The following THSD7B variants were observed in gnomAD, a reference collection of about 807,000 sequenced individuals.
The protein encoded by THSD7B is thrombospondin type-1 domain-containing protein 7B.
Under a neutral mutation model 213.6 loss-of-function variants are expected in THSD7B, and 138 were observed. That is an observed-to-expected ratio of 0.65 (90% CI 0.56 to 0.74). THSD7B has a LOEUF of 0.74. Among genes scored for constraint, THSD7B ranks in the 30% least tolerant of loss-of-function variants. The probability of loss-of-function intolerance (pLI) is 0.00; values close to 1 mark genes in which losing one functional copy is unlikely to be tolerated. For synonymous variants in THSD7B, 742 were observed against 687.0 expected (o/e 1.08, Z -1.25); for missense variants, 1,931 against 1,991.5 (o/e 0.97, Z 0.58).
At position 137,171,689 on chromosome 2, in the gene THSD7B, A is replaced by G. The variant is rs114668127; in HGVS notation, c.1723+751A>G. 4.1e-3 allele frequency among the ~76,000 whole-genome samples: 622 copies of G among 152,338 alleles called. 7 individuals are homozygous for G. The highest frequency in any genetic ancestry group is 0.014 in the African/African-American group (582 of 41,578). On this transcript the variant is annotated intron_variant, in intron 7 of 27. Transcript: ENST00000409968. Reference sequence around the variant, plus strand: ...AGAAGCCCCACTTATAATGCTCATGATATGTGGAATGAAGCGTTTTGAACT... The same window carrying G: ...AGAAGCCCCACTTATAATGCTCATGGTATGTGGAATGAAGCGTTTTGAACT...
intron 15 of THSD7B, among the ~76,000 whole-genome samples, chr2:137,533,679 T>A (rs1680444077): frequency 6.6e-6 from 1 of 151,874 alleles, no homozygotes; most frequent in African/African-American, 2.4e-5. Flanking sequence ...CCTAAATAGA[T>A]TATTATATTT....
At chr2:137,481,170 C>A (rs1001529653) in intron 15 of THSD7B, among the ~76,000 whole-genome samples, 2 of 151,778 alleles carry the variant, frequency 1.3e-5, no homozygotes, top group African/African-American at 4.9e-5. Context: ...AAATAAGTTT[C>A]TATTTTTTGA....
chr2:137,071,544 A>G (rs1482193083), intron 3 of THSD7B, among the ~76,000 whole-genome samples: 2 of 152,170 alleles, frequency 1.3e-5, no homozygotes, highest in African/African-American at 4.8e-5. Flanking sequence ...TTTGCTGTGC[A>G]GAAGCTCTTT....
intron 14 of THSD7B, among the ~76,000 whole-genome samples, chr2:137,421,527 G>A (rs2105026796): frequency 6.6e-6 from 1 of 152,290 alleles, no homozygotes; most frequent in African/African-American, 2.4e-5. Context: ...AGGGGCATGG[G>A]GGTAGGGGGA....
At chr2:137,668,549 G>A (rs79051252) in intron 27 of THSD7B, among the ~76,000 whole-genome samples, 3,331 of 151,884 alleles carry the variant, frequency 0.022, 115 homozygotes, top group African/African-American at 0.076. Context: ...GTTGATGAAC[G>A]GCTCTTGAAA....
chr2:137,044,322 T>C (rs1686931909), intron 2 of THSD7B, among the ~76,000 whole-genome samples: 1 of 152,246 alleles, frequency 6.6e-6, no homozygotes, highest in Admixed American at 6.5e-5. Context: ...TTTTTAAAAT[T>C]AGTCTCTTTG....
chr2:137,381,101 A>G lies in THSD7B; in HGVS notation c.2501-24512A>G, dbSNP rs576795154. Among the ~76,000 whole-genome samples, 15 of 152,294 alleles carry G rather than the reference A, an allele frequency of 9.8e-5. No individual in the cohort carries two copies. In the South Asian group the frequency reaches 3.1e-3, roughly 32 times the overall value. On this transcript the variant is annotated intron_variant, in intron 12 of 27. Transcript: ENST00000409968. ...TAGAACCTGACAATTGGTGTCACAA[A>G]CAGGATTTCAGAGTGAGTGAGCCTT... is the stretch of plus-strand genomic sequence containing the variant.
intron 16 of THSD7B, among the ~76,000 whole-genome samples, chr2:137,566,954 C>T (rs762490833): frequency 2.4e-4 from 37 of 151,992 alleles, no homozygotes; most frequent in Non-Finnish European, 4.4e-4. Flanking sequence ...GCATGAAGAT[C>T]TGTAGAAAGA....
At chr2:136,965,506 A>C (rs1685298858) in intron 2 of THSD7B, among the ~76,000 whole-genome samples, 1 of 152,190 alleles carries the variant, frequency 6.6e-6, no homozygotes, top group Admixed American at 6.5e-5. Context: ...GGTAGTGGGG[A>C]CAAGTACATA....
intron 2 of THSD7B, among the ~76,000 whole-genome samples, chr2:136,915,261 A>G (rs1684330951): frequency 6.6e-6 from 1 of 152,140 alleles, no homozygotes. Context: ...TTTCCAAAGC[A>G]AAGTGAAACA....
At chr2:137,084,511 A>G (rs1489174379) in intron 3 of THSD7B, among the ~76,000 whole-genome samples, 4 of 152,184 alleles carry the variant, frequency 2.6e-5, no homozygotes, top group Non-Finnish European at 4.4e-5. Context: ...GGCACATAGG[A>G]AGATATTTCA....
At chr2:137,351,974 T>G (rs1685022932) in intron 12 of THSD7B, among the ~76,000 whole-genome samples, 1 of 151,940 alleles carries the variant, frequency 6.6e-6, no homozygotes, top group Non-Finnish European at 1.5e-5. Context: ...TTTTTTTAGC[T>G]TATCAGCTAT....
At position 137,017,835 on chromosome 2, in the gene THSD7B, C is replaced by A. The variant is rs562618809; in HGVS notation, c.140-38585C>A. Among the ~76,000 whole-genome samples, 12 of 152,172 alleles carry A rather than the reference C, an allele frequency of 7.9e-5. No homozygotes were observed. In the South Asian group the frequency reaches 2.5e-3, roughly 32 times the overall value. On this transcript the variant is annotated intron_variant, in intron 2 of 27. Transcript: ENST00000409968. ...AGATCACATCAAAAAAAAATAATAT[C>A]CAGTCTGTTGTTCTTTAAATTCTGA...
chr2:137,554,815 C>T (rs1001778344), intron 15 of THSD7B, among the ~76,000 whole-genome samples: 5 of 152,190 alleles, frequency 3.3e-5, no homozygotes, highest in African/African-American at 1.2e-4. Context: ...AAATCTGTGA[C>T]AGAAGGCACT....
intron 12 of THSD7B, among the ~76,000 whole-genome samples, chr2:137,391,087 C>G (rs28825434): frequency 0.23 from 34,282 of 151,798 alleles, 3,988 homozygotes; most frequent in South Asian, 0.27. Context: ...ATCTGATCCT[C>G]AGCTTTTTGT....
In THSD7B at chr2:136,881,503, G is replaced by A. The variant is rs114816397; in HGVS notation, c.-35-641G>A. ...TTAATATTATAAAGACTATCTTCAT[G>A]GCAATAGAAAATTTGCAATACCATC... On this transcript the variant is annotated intron_variant, in intron 1 of 27. Coordinates refer to ENST00000409968, the MANE Select transcript of THSD7B (RefSeq NM_001316349.2). 6.9e-3 allele frequency among the ~76,000 whole-genome samples: 1,049 copies of A among 152,170 alleles called. 10 individuals are homozygous for A. The highest frequency in any genetic ancestry group is 0.024 in the African/African-American group (984 of 41,502).
chr2:137,312,263 AT>A (rs1683934348), intron 12 of THSD7B, among the ~76,000 whole-genome samples: 1 of 151,990 alleles, frequency 6.6e-6, no homozygotes, highest in Admixed American at 6.5e-5. Context: ...GAATTTATCC[AT>A]TTCTTCTAGA....
intron 12 of THSD7B, among the ~76,000 whole-genome samples, chr2:137,361,462 C>T (rs1402445767): frequency 6.6e-6 from 1 of 152,048 alleles, no homozygotes; most frequent in African/African-American, 2.4e-5. Flanking sequence ...TCAAACCCAT[C>T]AAAAGGAAGC....
At chr2:137,412,700 T>C (rs1206635845) in intron 14 of THSD7B, among the ~76,000 whole-genome samples, 3 of 146,126 alleles carry the variant, frequency 2.1e-5, no homozygotes, top group Non-Finnish European at 4.5e-5. Context: ...CAAGAGACAA[T>C]CTCAGAGAGT....
Sources: allele counts gnomAD v4.1 joint callset (sites outside exome capture counted in the v4.1 genomes callset), GRCh38; gene constraint gnomAD v4.1.1; transcripts MANE v1.5; gene names NCBI Gene and HGNC (gene_info 2026-07-23, HGNC 2026-07-21).